Variants in PPP4R2 observed in about 807,000 individuals in gnomAD.
PPP4R2 encodes the protein serine/threonine-protein phosphatase 4 regulatory subunit 2.
PPP4R2 carries 13 observed loss-of-function variants against 47.2 expected under a neutral mutation model. The ratio of observed to expected loss-of-function variants is 0.28; its 90% CI spans 0.18 to 0.44. The LOEUF is 0.44. Ranked by LOEUF, PPP4R2 falls within the 20% of genes least tolerant of loss-of-function variation. The pLI, the probability that PPP4R2 is intolerant of heterozygous loss-of-function variation, is 1.00. For synonymous variants in PPP4R2, 151 were observed against 163.3 expected, an observed-to-expected ratio of 0.92 and a Z score of 0.57; for missense variants, 421 against 491.2, an observed-to-expected ratio of 0.86 and a Z score of 1.35.
intron 5 of PPP4R2, chr3:73,063,121 T>C: frequency 3.7e-6 from 2 of 535,142 alleles, no homozygotes; most frequent in Non-Finnish European, 6.7e-6. Flanking sequence ...GTTCCCAAAC[T>C]TAGCAACAGC....
At chr3:73,053,209 T>C (rs1261122396) in intron 3 of PPP4R2, among the ~76,000 whole-genome samples, 10 of 152,200 alleles carry the variant, frequency 6.6e-5, no homozygotes. Context: ...TACTTATTTG[T>C]GGCAGATTTC....
intron 2 of PPP4R2, among the ~76,000 whole-genome samples, chr3:73,038,410 C>CT (rs1487068943): frequency 6.6e-6 from 1 of 151,612 alleles, no homozygotes; most frequent in African/African-American, 2.4e-5. Flanking sequence ...GAGTCTCACT[C>CT]TGTCACCCAG....
intron 2 of PPP4R2, among the ~76,000 whole-genome samples, chr3:73,016,727 T>TTCTTTC (rs1217517642): frequency 2.8e-4 from 35 of 127,068 alleles, no homozygotes; most frequent in African/African-American, 1.0e-3. Flanking sequence ...TATTGGTTCA[T>TTCTTTC]TGTTTATTTT....
intron 2 of PPP4R2, among the ~76,000 whole-genome samples, chr3:73,037,885 A>G (rs1325864217): frequency 6.6e-6 from 1 of 152,152 alleles, no homozygotes; most frequent in Non-Finnish European, 1.5e-5. Context: ...GGTTTTCCAA[A>G]TGAATTTTGT....
At chr3:72,999,460 C>G (rs1197753010) in intron 2 of PPP4R2, among the ~76,000 whole-genome samples, 1 of 152,182 alleles carries the variant, frequency 6.6e-6, no homozygotes, top group Non-Finnish European at 1.5e-5. Flanking sequence ...TTAGCCCTGT[C>G]AACAATGTCA....
intron 1 of PPP4R2, chr3:72,997,408 T>C (rs556616621): frequency 8.3e-5 from 18 of 216,274 alleles, no homozygotes; most frequent in African/African-American, 3.9e-4. Context: ...TCCACCAGGC[T>C]ACCCGTACGC....
chr3:73,003,496 A>T (rs921783269), intron 2 of PPP4R2, among the ~76,000 whole-genome samples: 2 of 152,020 alleles, frequency 1.3e-5, no homozygotes, highest in South Asian at 4.1e-4. Flanking sequence ...GATTACGGGC[A>T]TAGTCACTGC....
intron 3 of PPP4R2, among the ~76,000 whole-genome samples, chr3:73,051,818 G>A (rs1702619200): frequency 6.6e-6 from 1 of 152,024 alleles, no homozygotes; most frequent in Non-Finnish European, 1.5e-5. Flanking sequence ...GTAGAGATGG[G>A]GTTTCACCCT....
At chr3:73,050,116 G>T (rs907022033) in intron 3 of PPP4R2, among the ~76,000 whole-genome samples, 10 of 151,528 alleles carry the variant, frequency 6.6e-5, no homozygotes, top group Non-Finnish European at 1.3e-4. Context: ...TGTTTTTTTT[G>T]TTTGTTTGTT....
chr3:73,042,802 C>T (rs956570840), intron 2 of PPP4R2, among the ~76,000 whole-genome samples: 1 of 152,104 alleles, frequency 6.6e-6, no homozygotes, highest in Non-Finnish European at 1.5e-5. Context: ...ACTTGAATTG[C>T]ATCGTATTGA....
chr3:73,033,709 T>C (rs536616690), intron 2 of PPP4R2, among the ~76,000 whole-genome samples: 2 of 152,306 alleles, frequency 1.3e-5, no homozygotes, highest in South Asian at 4.1e-4. Flanking sequence ...TTCCTTCCAA[T>C]CCCTGTCTAG....
At chr3:73,021,848 A>ATG (rs34010770) in intron 2 of PPP4R2, among the ~76,000 whole-genome samples, 9,519 of 130,862 alleles carry the variant, frequency 0.073, 400 homozygotes, top group East Asian at 0.12. Context: ...ACATTTCTAT[A>ATG]TGTGTGTGTG....
At chr3:73,063,827 A>G (rs969445953) in intron 6 of PPP4R2, 80 bp downstream of exon 6, 13 of 1,194,146 alleles carry the variant, frequency 1.1e-5, no homozygotes, top group Non-Finnish European at 1.6e-5. Flanking sequence ...CTTTTTAAAA[A>G]TTGGGCATTT....
chr3:73,036,540 T>A (rs962869997), intron 2 of PPP4R2, among the ~76,000 whole-genome samples: 2 of 152,218 alleles, frequency 1.3e-5, no homozygotes, highest in Non-Finnish European at 2.9e-5. Flanking sequence ...TTCCAGTTTA[T>A]CTTTTTAGTT....
intron 1 of PPP4R2, chr3:72,997,504 G>A (rs1297136047): frequency 5.6e-6 from 1 of 179,924 alleles, no homozygotes; most frequent in South Asian, 1.9e-4. Flanking sequence ...GTCTCAGTAT[G>A]CCTTTTTCAG....
chr3:73,050,444 TTG>T (rs1702587387), intron 3 of PPP4R2, among the ~76,000 whole-genome samples: 1 of 152,090 alleles, frequency 6.6e-6, no homozygotes, highest in Non-Finnish European at 1.5e-5. Context: ...TGTTCAATTT[TTG>T]TGTTTTTTAT....
chr3:73,040,858 C>G (rs982147164), intron 2 of PPP4R2, among the ~76,000 whole-genome samples: 3 of 151,990 alleles, frequency 2.0e-5, no homozygotes, highest in Non-Finnish European at 4.4e-5. Flanking sequence ...GGCACAAATA[C>G]GTGGTGCAGT....
chr3:73,014,227 T>C (rs1458261559), intron 2 of PPP4R2, among the ~76,000 whole-genome samples: 2 of 130,766 alleles, frequency 1.5e-5, no homozygotes, highest in Non-Finnish European at 3.6e-5. Context: ...TAGCAGTATA[T>C]GAAAGTTATC....
chr3:73,009,261 A>C (rs1701675710), intron 2 of PPP4R2, among the ~76,000 whole-genome samples: 1 of 152,210 alleles, frequency 6.6e-6, no homozygotes, highest in Non-Finnish European at 1.5e-5. Flanking sequence ...GGAATGGGAC[A>C]TGGTGATAGT....
Sources: gnomAD v4.1 joint callset for allele counts (sites outside exome capture counted in the v4.1 genomes callset) on GRCh38, gnomAD v4.1.1 for gene constraint, MANE v1.5 for transcripts, NCBI Gene and HGNC (gene_info 2026-07-23, HGNC 2026-07-21) for gene names.